Variants in FAM13A observed in about 807,000 individuals in gnomAD.
The protein encoded by FAM13A is protein FAM13A.
FAM13A carries 76 observed loss-of-function variants against 129.6 expected under a neutral mutation model. The ratio of observed to expected loss-of-function variants is 0.59; its 90% CI spans 0.49 to 0.71. FAM13A has a LOEUF of 0.71. Among genes scored for constraint, FAM13A ranks in the 30% least tolerant of loss-of-function variants. The pLI, the probability that FAM13A is intolerant of heterozygous loss-of-function variation, is 0.00. For synonymous variants in FAM13A, 443 were observed against 449.9 expected (o/e 0.98, Z 0.20); for missense variants, 1,108 against 1,249.3 (o/e 0.89, Z 1.70).
At chr4:88,939,353 C>T (rs1404819506) in intron 4 of FAM13A, among the ~76,000 whole-genome samples, 2 of 152,098 alleles carry the variant, frequency 1.3e-5, no homozygotes, top group African/African-American at 2.4e-5. Flanking sequence ...CACCATCACA[C>T]GGCCTTCTCT....
rs763159585 is a variant in FAM13A at position 88,945,964 on chromosome 4, C to CTGTGTG, written c.606-7729_606-7724dup. Reference sequence around the variant, plus strand: ...TAGTATATTTATACACACATAGTATCTGTGTGTGTGTGTGTGTGTGTGTGT... The same window carrying CTGTGTG: ...TAGTATATTTATACACACATAGTATCTGTGTGTGTGTGTGTGTGTGTGTGTGTGTGT... On this transcript the variant is annotated intron_variant, in intron 4 of 23. Transcript: ENST00000264344. Among the ~76,000 whole-genome samples the CTGTGTG allele has an allele frequency of 4.0e-3, 280 of 70,672 alleles. 2 individuals are homozygous for CTGTGTG. The highest frequency in any genetic ancestry group is 5.8e-3 in the South Asian group (10 of 1,736). 46.4% of individuals were successfully genotyped at this position (70,672 alleles called of 152,430 possible). A position where few individuals can be genotyped will look rare whatever the true frequency, so the allele number is the denominator to read the frequency against.
At chr4:88,738,328 TGGACA>T (rs779525913) in intron 20 of FAM13A, among the ~76,000 whole-genome samples, 7 of 152,048 alleles carry the variant, frequency 4.6e-5, no homozygotes, top group Non-Finnish European at 8.8e-5. Flanking sequence ...CCCTAAGAGA[TGGACA>T]GGGCAGAACA....
intron 7 of FAM13A, among the ~76,000 whole-genome samples, chr4:88,807,655 G>A (rs918279796): frequency 1.3e-5 from 2 of 152,128 alleles, no homozygotes; most frequent in Non-Finnish European, 1.5e-5. Flanking sequence ...ACAAGATCTC[G>A]TGGACTTGAT....
intron 14 of FAM13A, among the ~76,000 whole-genome samples, chr4:88,757,576 G>A (rs574876734): frequency 2.6e-5 from 4 of 152,096 alleles, no homozygotes; most frequent in Admixed American, 6.6e-5. Context: ...ACAACCCTGC[G>A]TTTTGCTGCT....
chr4:89,018,837 A>G (rs1009265279), intron 3 of FAM13A, among the ~76,000 whole-genome samples: 15 of 152,216 alleles, frequency 9.9e-5, no homozygotes, highest in Admixed American at 7.9e-4. Context: ...CAGTCTGGCT[A>G]TGGGTGCCCT....
rs985057120 is a variant in FAM13A, at chr4:88,972,285, C to T, written c.605+18688G>A. On this transcript the variant is annotated intron_variant, in intron 4 of 23. Coordinates refer to ENST00000264344, the MANE Select transcript of FAM13A (RefSeq NM_014883.4). ...AATTTTTGTTTGTCTGAAAAAGTTT[C>T]TGCTTCTCCTTCACTTTTTTTTTTT... Among the ~76,000 whole-genome samples, 599 of 135,712 alleles carry T rather than the reference C, an allele frequency of 4.4e-3. 5 individuals carry two copies. Among genetic ancestry groups the T allele is most frequent in the African/African-American group, 0.016 (580 of 35,944 alleles). 89.0% of individuals were successfully genotyped at this position (135,712 alleles called of 152,430 possible). A position where few individuals can be genotyped will look rare whatever the true frequency, so the allele number is the denominator to read the frequency against.
intron 1 of FAM13A, among the ~76,000 whole-genome samples, chr4:89,045,697 T>C (rs1770749522): frequency 6.6e-6 from 1 of 152,046 alleles, no homozygotes; most frequent in Non-Finnish European, 1.5e-5. Flanking sequence ...CTTGGCAGAG[T>C]ATAAAAGGCT....
chr4:88,934,634 C>A (rs1329628500), intron 5 of FAM13A, among the ~76,000 whole-genome samples: 4 of 152,140 alleles, frequency 2.6e-5, no homozygotes, highest in Admixed American at 2.0e-4. Context: ...CTTCTCCTAA[C>A]CCAGTTATTC....
At chr4:89,056,271 G>A (rs187507112) in intron 1 of FAM13A, among the ~76,000 whole-genome samples, 1 of 152,164 alleles carries the variant, frequency 6.6e-6, no homozygotes, top group East Asian at 1.9e-4. Context: ...AAAAGGTTTT[G>A]TACAAGCACC....
chr4:89,049,241 C>T (rs554210232), intron 1 of FAM13A, among the ~76,000 whole-genome samples: 39 of 150,510 alleles, frequency 2.6e-4, no homozygotes, highest in Non-Finnish European at 3.2e-4. Context: ...CCAGCCTGGG[C>T]GAAAAAGCAG....
At chr4:88,729,852 T>C (rs1252223843) in intron 23 of FAM13A, 1 of 152,212 alleles carries the variant, frequency 6.6e-6, no homozygotes, top group Non-Finnish European at 1.5e-5. Context: ...AAAATAGGCT[T>C]AGATGAAAGA....
intron 14 of FAM13A, among the ~76,000 whole-genome samples, chr4:88,752,130 C>A (rs570166491): frequency 6.6e-6 from 1 of 152,286 alleles, no homozygotes; most frequent in South Asian, 2.1e-4. Context: ...CTCATACTAT[C>A]CAAGTCAACA....
At chr4:88,730,169 A>G (rs1265453034) in intron 23 of FAM13A, 4 of 152,226 alleles carry the variant, frequency 2.6e-5, no homozygotes, top group African/African-American at 9.6e-5. Flanking sequence ...AAGAGAAACA[A>G]TACTTACATA....
At chr4:89,005,708 G>A (rs1008381440) in intron 3 of FAM13A, among the ~76,000 whole-genome samples, 6 of 152,150 alleles carry the variant, frequency 3.9e-5, no homozygotes, top group South Asian at 4.1e-4. Flanking sequence ...CTGCATGTAT[G>A]TCTTCTTTTG....
At chr4:89,018,684 A>T (rs1766848599) in intron 3 of FAM13A, among the ~76,000 whole-genome samples, 1 of 152,252 alleles carries the variant, frequency 6.6e-6, no homozygotes, top group African/African-American at 2.4e-5. Flanking sequence ...GTTAAAAATT[A>T]GAGAGTGAGG....
chr4:88,897,085 G>T (rs1440230893), intron 6 of FAM13A, among the ~76,000 whole-genome samples: 1 of 152,158 alleles, frequency 6.6e-6, no homozygotes, highest in Non-Finnish European at 1.5e-5. Flanking sequence ...CAAAGTAAAT[G>T]GGTTGTGAGG....
intron 3 of FAM13A, among the ~76,000 whole-genome samples, chr4:89,012,933 T>G (rs376018140): frequency 8.5e-5 from 13 of 152,318 alleles, no homozygotes; most frequent in African/African-American, 2.6e-4. Context: ...AATCTGTTAT[T>G]ATGAGGATGG....
At chr4:88,963,108 T>G (rs1758852836) in intron 4 of FAM13A, among the ~76,000 whole-genome samples, 2 of 152,186 alleles carry the variant, frequency 1.3e-5, no homozygotes, top group African/African-American at 2.4e-5. Context: ...AGTATCATTT[T>G]TATGAAACTA....
At chr4:88,848,984 C>T (rs919797559) in intron 7 of FAM13A, among the ~76,000 whole-genome samples, 8 of 152,196 alleles carry the variant, frequency 5.3e-5, no homozygotes, top group Non-Finnish European at 1.0e-4. Flanking sequence ...GCACCCTTAT[C>T]TCTATTTCCC....
Sources: gnomAD v4.1 joint callset for allele counts (sites outside exome capture counted in the v4.1 genomes callset) on GRCh38, gnomAD v4.1.1 for gene constraint, MANE v1.5 for transcripts, NCBI Gene and HGNC (gene_info 2026-07-23, HGNC 2026-07-21) for gene names.